RAD51B: variants seen among roughly 807,000 people sequenced by gnomAD.
RAD51B encodes DNA repair protein RAD51 homolog 2.
A neutral mutation model predicts 42.2 loss-of-function variants in RAD51B; 38 were observed. The observed-to-expected ratio is 0.90, with a 90% CI of 0.70 to 1.18. The LOEUF (loss-of-function observed/expected upper bound fraction) is 1.18. Among genes scored for constraint, RAD51B ranks in the 50% most tolerant of loss-of-function variants. RAD51B has a pLI of 0.00. For synonymous variants in RAD51B, 154 were observed against 145.2 expected (o/e 1.06, Z -0.43); for missense variants, 373 against 400.7 (o/e 0.93, Z 0.59).
At chr14:67,910,768 G>C (rs1159372011) in intron 7 of RAD51B, among the ~76,000 whole-genome samples, 1 of 151,634 alleles carries the variant, frequency 6.6e-6, no homozygotes, top group African/African-American at 2.4e-5. Context: ...TACAACGTTA[G>C]GGCTGAATAA....
At chr14:68,368,966 G>T (rs1454764469) in intron 8 of RAD51B, among the ~76,000 whole-genome samples, 2 of 152,184 alleles carry the variant, frequency 1.3e-5, no homozygotes, top group African/African-American at 2.4e-5. Context: ...ATCTGGTTAT[G>T]GTCGTTGTTT....
Position 68,038,151 on chromosome 14 carries a change from C to T in RAD51B, c.756+150947C>T, listed in dbSNP as rs7148768. 9.1e-3 allele frequency among the ~76,000 whole-genome samples: 1,393 copies of T among 152,308 alleles called. 19 individuals carry two copies. Among genetic ancestry groups the T allele is most frequent in the African/African-American group, 0.027 (1,136 of 41,564 alleles). ...CTCTAATTCTCTGAGTGGTTTACTT[C>T]AGTTAGAGGGATTAGTGAATTAGCT... On this transcript the variant is annotated intron_variant, in intron 7 of 10. Coordinates refer to ENST00000471583, the MANE Select transcript of RAD51B (RefSeq NM_133510.4).
intron 10 of RAD51B, chr14:68,563,896 G>T: frequency 1.0e-6 from 1 of 985,416 alleles, no homozygotes; most frequent in Non-Finnish European, 1.2e-6. Flanking sequence ...CTTGAGTAAC[G>T]GCCACAGGCC....
At chr14:67,833,982 T>C (rs991436876) in intron 3 of RAD51B, among the ~76,000 whole-genome samples, 1 of 152,238 alleles carries the variant, frequency 6.6e-6, no homozygotes, top group Non-Finnish European at 1.5e-5. Flanking sequence ...TAGTTTCCTG[T>C]GGCAGTTCTA....
At chr14:67,945,632 A>G (rs1310575478) in intron 7 of RAD51B, among the ~76,000 whole-genome samples, 1 of 151,990 alleles carries the variant, frequency 6.6e-6, no homozygotes, top group Non-Finnish European at 1.5e-5. Flanking sequence ...CACCACGCCC[A>G]GCTAATTTTT....
chr14:67,951,468 T>C (rs1389681593), intron 7 of RAD51B, among the ~76,000 whole-genome samples: 1 of 152,242 alleles, frequency 6.6e-6, no homozygotes, highest in Non-Finnish European at 1.5e-5. Context: ...TTTAATGTAG[T>C]ACCCATTTTT....
chr14:68,572,964 A>T (rs949663908), intron 10 of RAD51B, among the ~76,000 whole-genome samples: 1 of 152,188 alleles, frequency 6.6e-6, no homozygotes, highest in African/African-American at 2.4e-5. Context: ...GCACAGAGAG[A>T]TGAAACAGCC....
At chr14:68,198,694 A>G (rs893691667) in intron 7 of RAD51B, among the ~76,000 whole-genome samples, 1 of 152,180 alleles carries the variant, frequency 6.6e-6, no homozygotes, top group Non-Finnish European at 1.5e-5. Flanking sequence ...CTGATATATT[A>G]AGTCAATAAT....
chr14:68,561,903 G>A, intron 10 of RAD51B: 1 of 946,978 alleles, frequency 1.1e-6, no homozygotes, highest in Non-Finnish European at 1.3e-6. Flanking sequence ...TCCATGCAGA[G>A]GGCGAGTGGG....
At chr14:68,067,030 AT>A (rs2076661572) in intron 7 of RAD51B, among the ~76,000 whole-genome samples, 1 of 152,214 alleles carries the variant, frequency 6.6e-6, no homozygotes, top group South Asian at 2.1e-4. Context: ...TATTTTGTTT[AT>A]TCATATGGAA....
chr14:68,632,479 G>A (rs1270959614), intron 10 of RAD51B, among the ~76,000 whole-genome samples: 5 of 152,174 alleles, frequency 3.3e-5, no homozygotes, highest in African/African-American at 1.2e-4. Flanking sequence ...CCATCCAGAC[G>A]GGGACATCCC....
chr14:68,615,265 C>T (rs1236077386), downstream of RAD51B, among the ~76,000 whole-genome samples: 2 of 152,084 alleles, frequency 1.3e-5, no homozygotes, highest in Non-Finnish European at 2.9e-5. Flanking sequence ...TCCTCTTTAA[C>T]TTTTGTCAGT....
intron 7 of RAD51B, among the ~76,000 whole-genome samples, chr14:68,071,819 A>G (rs183865230): frequency 8.1e-4 from 123 of 151,460 alleles, no homozygotes; most frequent in African/African-American, 3.0e-3. Flanking sequence ...AGTTTTCTGG[A>G]TAGGTTTAAT....
chr14:67,899,065 C>CA (rs769435130), intron 7 of RAD51B, among the ~76,000 whole-genome samples: 36 of 151,456 alleles, frequency 2.4e-4, no homozygotes, highest in Non-Finnish European at 5.2e-4. Flanking sequence ...TTTTTTGAGT[C>CA]AGAGTTTTGC....
intron 9 of RAD51B, among the ~76,000 whole-genome samples, chr14:68,434,160 G>C (rs538991804): frequency 6.6e-6 from 1 of 152,306 alleles, no homozygotes; most frequent in East Asian, 1.9e-4. Flanking sequence ...CCTACTTGGG[G>C]GTGCCTCCCA....
chr14:68,662,239 A>G (rs990725772), intron 11 of RAD51B, among the ~76,000 whole-genome samples: 1 of 152,242 alleles, frequency 6.6e-6, no homozygotes, highest in African/African-American at 2.4e-5. Context: ...TACAGTCAAC[A>G]CACACCCCTG....
chr14:68,487,309 C>G (rs1275161490), intron 10 of RAD51B, among the ~76,000 whole-genome samples: 1 of 152,040 alleles, frequency 6.6e-6, no homozygotes, highest in East Asian at 1.9e-4. Flanking sequence ...CTTAGTGTCT[C>G]ATTCACTTCT....
chr14:68,648,132 CGT>C (rs1491129964), intron 10 of RAD51B, among the ~76,000 whole-genome samples: 13 of 96,756 alleles, frequency 1.3e-4, no homozygotes, highest in African/African-American at 5.5e-4. Flanking sequence ...TATACACACA[CGT>C]ATATATATAT....
intron 10 of RAD51B, among the ~76,000 whole-genome samples, chr14:68,509,051 A>C (rs531472000): frequency 2.0e-5 from 3 of 152,218 alleles, no homozygotes; most frequent in Non-Finnish European, 4.4e-5. Context: ...GCACACTGGG[A>C]AAATAGGGGG....
Sources: allele counts gnomAD v4.1 joint callset (sites outside exome capture counted in the v4.1 genomes callset), GRCh38; gene constraint gnomAD v4.1.1; transcripts MANE v1.5; gene names NCBI Gene and HGNC (gene_info 2026-07-23, HGNC 2026-07-21).